The following TMEM233 variants were observed in gnomAD, a reference collection of about 807,000 sequenced individuals.
The protein encoded by TMEM233 is transmembrane protein 233.
In TMEM233, 6 loss-of-function variants were observed where a neutral mutation model predicts 11.2. The ratio of observed to expected loss-of-function variants is 0.54; its 90% CI spans 0.29 to 1.06. TMEM233 has a LOEUF of 1.06. TMEM233 is among the 50% of genes least tolerant of loss of function. The pLI is 0.08. For missense variants in TMEM233, 127 were observed against 144.7 expected (o/e 0.88, Z 0.63); for synonymous variants, 59 against 55.8 (o/e 1.06, Z -0.26).
chr12:119,612,781 G>C (rs573178046), intron 1 of TMEM233, among the ~76,000 whole-genome samples: 1 of 151,330 alleles, frequency 6.6e-6, no homozygotes, highest in East Asian at 1.9e-4. Context: ...TTAGCCAGGC[G>C]TGGTGGTGTG....
the TMEM233 span, among the ~76,000 whole-genome samples, chr12:119,653,610 T>C: frequency 6.6e-6 from 1 of 151,736 alleles, no homozygotes. Flanking sequence ...AGCTATGCAA[T>C]GTAAAAAAAA....
the TMEM233 span, among the ~76,000 whole-genome samples, chr12:119,650,706 A>G: frequency 1.3e-5 from 2 of 152,184 alleles, no homozygotes; most frequent in South Asian, 2.1e-4. Flanking sequence ...GCAGTGGCAC[A>G]ATCTCAGCTC....
At chr12:119,651,148 A>T in the TMEM233 span, among the ~76,000 whole-genome samples, 1 of 152,228 alleles carries the variant, frequency 6.6e-6, no homozygotes, top group African/African-American at 2.4e-5. Context: ...GGCAGTTACC[A>T]GTTCTCACAA....
intron 1 of TMEM233, among the ~76,000 whole-genome samples, chr12:119,607,573 C>T (rs1954307019): frequency 6.6e-6 from 1 of 151,094 alleles, no homozygotes; most frequent in Non-Finnish European, 1.5e-5. Flanking sequence ...AGGAATTCAA[C>T]AAGGAGAACA....
chr12:119,620,808 T>G (rs1954625804), intron 1 of TMEM233, among the ~76,000 whole-genome samples: 1 of 152,160 alleles, frequency 6.6e-6, no homozygotes, highest in South Asian at 2.1e-4. Context: ...GCTTGGGAAG[T>G]TGCCCACCCC....
At chr12:119,638,528 G>T (rs1955011483) in intron 2 of TMEM233, among the ~76,000 whole-genome samples, 1 of 152,120 alleles carries the variant, frequency 6.6e-6, no homozygotes, top group Non-Finnish European at 1.5e-5. Flanking sequence ...AATTAAATTA[G>T]AATCTCCAGT....
chr12:119,610,853 C>G (rs1209752412), intron 1 of TMEM233, among the ~76,000 whole-genome samples: 3 of 152,136 alleles, frequency 2.0e-5, no homozygotes, highest in Non-Finnish European at 1.5e-5. Context: ...CCCCACAACC[C>G]CTGGCAATCT....
At chr12:119,596,765 T>C (rs1954057788) in intron 1 of TMEM233, among the ~76,000 whole-genome samples, 1 of 152,160 alleles carries the variant, frequency 6.6e-6, no homozygotes, top group African/African-American at 2.4e-5. Flanking sequence ...AGTGCTGGGA[T>C]TACATGGGTG....
At chr12:119,653,687 T>C in the TMEM233 span, among the ~76,000 whole-genome samples, 1 of 151,894 alleles carries the variant, frequency 6.6e-6, no homozygotes, top group African/African-American at 2.4e-5. Context: ...AAATAAATTA[T>C]TTGTATGGGA....
chr12:119,631,699 C>A, intron 2 of TMEM233: 3 of 982,426 alleles, frequency 3.1e-6, no homozygotes, highest in Non-Finnish European at 2.4e-6. Flanking sequence ...GTTTTGGCAC[C>A]AGACTGCCTG....
Position 119,640,962 on chromosome 12 carries a change from A to G in TMEM233, c.*257A>G, listed in dbSNP as rs1955074854. 2.1e-5 allele frequency: 10 copies of G among 468,392 alleles called. No homozygotes were observed. The highest frequency in any genetic ancestry group is 3.8e-5 in the Non-Finnish European group (10 of 264,322). The allele number at this position is 468,392 out of a possible 1,614,324, so 29.0% of individuals were successfully genotyped here. The stretch of plus-strand genomic sequence containing the variant: ...TGAAAAGAAAACAGAAAAAAGAAAA[A>G]TGAAGTCTCACTGTCTCAGTTTAGC... On this transcript the variant is annotated 3_prime_UTR_variant, in exon 3 of 3. Coordinates refer to ENST00000426426, the MANE Select transcript of TMEM233 (RefSeq NM_001136534.3).
downstream of TMEM233, among the ~76,000 whole-genome samples, chr12:119,647,382 G>A (rs1014019380): frequency 1.4e-4 from 22 of 152,310 alleles, no homozygotes; most frequent in African/African-American, 5.1e-4. Flanking sequence ...TCAGGAATCC[G>A]TTCTTGTAAT....
At chr12:119,610,401 A>G (rs1954370132) in intron 1 of TMEM233, among the ~76,000 whole-genome samples, 1 of 152,152 alleles carries the variant, frequency 6.6e-6, no homozygotes, top group African/African-American at 2.4e-5. Context: ...TTGGAAGGGC[A>G]TGATTTTTGT....
downstream of TMEM233, among the ~76,000 whole-genome samples, chr12:119,646,070 T>TC (rs989832276): frequency 2.5e-4 from 15 of 60,022 alleles, no homozygotes; most frequent in Admixed American, 2.3e-3. Flanking sequence ...GCTTTTTTTT[T>TC]TTTTTGAGAT....
the TMEM233 span, among the ~76,000 whole-genome samples, chr12:119,648,676 T>G: frequency 6.6e-6 from 1 of 152,384 alleles, no homozygotes; most frequent in East Asian, 1.9e-4. Context: ...CATGTTCATC[T>G]TGTTCACCTC....
At chr12:119,652,604 G>A in the TMEM233 span, among the ~76,000 whole-genome samples, 167 of 152,232 alleles carry the variant, frequency 1.1e-3, no homozygotes, top group African/African-American at 3.7e-3. Flanking sequence ...AGAGTTTGGG[G>A]CCCCCATGGT....
At chr12:119,629,324 T>C (rs11064858) in intron 1 of TMEM233, among the ~76,000 whole-genome samples, 116,244 of 151,802 alleles carry the variant, frequency 0.77, 44,686 homozygotes, top group Middle Eastern at 0.85. Context: ...GCAGGAGAAT[T>C]GCTTGAACCC....
downstream of TMEM233, among the ~76,000 whole-genome samples, chr12:119,645,320 C>CAAAAA (rs3078450): frequency 5.3e-4 from 40 of 74,796 alleles, 7 homozygotes; most frequent in African/African-American, 8.9e-4. Flanking sequence ...CACCAATTAC[C>CAAAAA]AAAAAAAAAA....
At chr12:119,619,617 G>A (rs1366389565) in intron 1 of TMEM233, among the ~76,000 whole-genome samples, 1 of 151,316 alleles carries the variant, frequency 6.6e-6, no homozygotes, top group Non-Finnish European at 1.5e-5. Context: ...CTCCAGCCTG[G>A]GTGACAGAGC....
Sources: allele counts gnomAD v4.1 joint callset (sites outside exome capture counted in the v4.1 genomes callset), GRCh38; gene constraint gnomAD v4.1.1; transcripts MANE v1.5; gene names NCBI Gene and HGNC (gene_info 2026-07-23, HGNC 2026-07-21).